CSNK1G3: variants seen among roughly 807,000 people sequenced by gnomAD.
The protein encoded by CSNK1G3 is casein kinase I isoform gamma-3.
In CSNK1G3, 23 loss-of-function variants were observed where a neutral mutation model predicts 64.3. The observed-to-expected ratio is 0.36, with a 90% CI of 0.26 to 0.51. The LOEUF (loss-of-function observed/expected upper bound fraction) is 0.51, where lower values mean the gene tolerates loss of function less well. Ranked by LOEUF, CSNK1G3 falls within the 20% of genes least tolerant of loss-of-function variation. The pLI is 0.96. For synonymous variants in CSNK1G3, 158 were observed against 162.2 expected, an observed-to-expected ratio of 0.97 and a Z score of 0.20; for missense variants, 357 against 510.5, an observed-to-expected ratio of 0.70 and a Z score of 2.90.
exon 13 of CSNK1G3, chr5:123,616,436 TG>T (rs1273806587): frequency 6.6e-6 from 1 of 152,588 alleles, no homozygotes; most frequent in Non-Finnish European, 1.5e-5. Flanking sequence ...TAAGAAGGTG[TG>T]TATATTAATC....
rs1378792529 is a variant in CSNK1G3, at chr5:123,604,834, T to C, written c.1193+4T>C. 3 of 1,585,454 alleles carry C rather than the reference T, an allele frequency of 1.9e-6. No homozygotes were observed. Among genetic ancestry groups the C allele is most frequent in the Non-Finnish European group, 1.7e-6 (2 of 1,159,688 alleles). Reference sequence around the variant, plus strand: ...TAGAAGTGATGGATGAAACCAAGTATGTGTTTGTTTTACTTGTTTTAGTAA... The same window carrying C: ...TAGAAGTGATGGATGAAACCAAGTACGTGTTTGTTTTACTTGTTTTAGTAA... On this transcript the variant is annotated splice_donor_region_variant and intron_variant, in intron 11 of 12. Coordinates refer to ENST00000345990, the Ensembl canonical transcript of CSNK1G3.
chr5:123,604,186 G>A (rs1179538132), intron 10 of CSNK1G3, among the ~76,000 whole-genome samples: 1 of 152,042 alleles, frequency 6.6e-6, no homozygotes, highest in Non-Finnish European at 1.5e-5. Flanking sequence ...TTAGATGTGG[G>A]TTTTAAGTTA....
chr5:123,608,816 T>A (rs1421150999), intron 12 of CSNK1G3, among the ~76,000 whole-genome samples: 4 of 152,164 alleles, frequency 2.6e-5, no homozygotes. Flanking sequence ...TTTAAAAAAC[T>A]TCTAAGGTGA....
chr5:123,524,088 C>CT (rs1778621722), intron 1 of CSNK1G3, among the ~76,000 whole-genome samples: 1 of 152,228 alleles, frequency 6.6e-6, no homozygotes, highest in South Asian at 2.1e-4. Context: ...TCTTACTTCT[C>CT]TGAGGTGGAG....
chr5:123,515,933 T>C (rs900193198), intron 1 of CSNK1G3, among the ~76,000 whole-genome samples: 1 of 152,208 alleles, frequency 6.6e-6, no homozygotes, highest in Non-Finnish European at 1.5e-5. Context: ...GGAAACAGTC[T>C]TCTAGAGTTT....
At chr5:123,581,953 A>G (rs555304544) in intron 6 of CSNK1G3, among the ~76,000 whole-genome samples, 14 of 151,948 alleles carry the variant, frequency 9.2e-5, no homozygotes, top group Admixed American at 3.3e-4. Flanking sequence ...TTGTCTTCTC[A>G]TGTCTGTGCT....
chr5:123,605,418 T>C, intron 12 of CSNK1G3, 56 bp downstream of exon 13: 3 of 1,574,224 alleles, frequency 1.9e-6, no homozygotes, highest in East Asian at 2.2e-5. Context: ...ATTTCAAAGA[T>C]TTAGCATCAT....
rs117109474 is a variant in CSNK1G3 at position 123,521,323 on chromosome 5, G to A, written c.-248+8753G>A. Among the ~76,000 whole-genome samples the A allele has an allele frequency of 7.3e-4, 111 of 152,092 alleles. 1 individual carries two copies. The East Asian group carries it at 0.02, about 27-fold the overall frequency. On this transcript the variant is annotated intron_variant, in intron 1 of 12. Coordinates refer to ENST00000345990, the Ensembl canonical transcript of CSNK1G3. ...ATTTTAAAAAAAGGATCTTTACTGA[G>A]TACTTTTTCTGTCATACGAGTATCA...
At chr5:123,602,936 A>G (rs10038345) in intron 10 of CSNK1G3, among the ~76,000 whole-genome samples, 58,057 of 151,954 alleles carry the variant, frequency 0.38, 12,270 homozygotes, top group East Asian at 0.66. Context: ...AACCTTGTTA[A>G]TTAGATGCTA....
chr5:123,547,656 A>G (rs903473748), intron 2 of CSNK1G3, among the ~76,000 whole-genome samples: 1 of 152,100 alleles, frequency 6.6e-6, no homozygotes, highest in Non-Finnish European at 1.5e-5. Flanking sequence ...TGTCTATTCT[A>G]TCTATCTAAT....
chr5:123,559,787 T>G (rs973858931), intron 4 of CSNK1G3, among the ~76,000 whole-genome samples: 1 of 151,894 alleles, frequency 6.6e-6, no homozygotes, highest in African/African-American at 2.4e-5. Flanking sequence ...ACAAGAGTGC[T>G]TAATTGTTTT....
chr5:123,540,264 A>AT (rs940044644), intron 1 of CSNK1G3, among the ~76,000 whole-genome samples: 3 of 148,176 alleles, frequency 2.0e-5, no homozygotes, highest in African/African-American at 7.5e-5. Context: ...TTTCTGTTTT[A>AT]TTTTTCCGTT....
At chr5:123,593,202 T>TATACACACAC (rs375876147) in intron 10 of CSNK1G3, among the ~76,000 whole-genome samples, 37 of 146,928 alleles carry the variant, frequency 2.5e-4, no homozygotes, top group Admixed American at 4.1e-4. Flanking sequence ...TGTGTATATA[T>TATACACACAC]ACACACACAC....
chr5:123,542,887 T>TGTGTGTGTGTG (rs1554070088), intron 1 of CSNK1G3, among the ~76,000 whole-genome samples: 3 of 150,556 alleles, frequency 2.0e-5, no homozygotes, highest in African/African-American at 7.3e-5. Context: ...TGTGTGTGTG[T>TGTGTGTGTGTG]TTACCAAATT....
At chr5:123,609,692 C>T (rs530904089) in intron 12 of CSNK1G3, among the ~76,000 whole-genome samples, 31 of 152,254 alleles carry the variant, frequency 2.0e-4, no homozygotes, top group East Asian at 5.8e-4. Flanking sequence ...AGAAATCCCA[C>T]GTGGTGTGTT....
At chr5:123,561,264 GAGTC>G (rs1193621007) in intron 4 of CSNK1G3, among the ~76,000 whole-genome samples, 1 of 152,132 alleles carries the variant, frequency 6.6e-6, no homozygotes, top group African/African-American at 2.4e-5. Flanking sequence ...AGTATTCGTT[GAGTC>G]AAATGAAGAC....
chr5:123,575,737 C>T, exon 6 of CSNK1G3: 5 of 1,607,366 alleles, frequency 3.1e-6, no homozygotes, highest in East Asian at 2.2e-5. Flanking sequence ...AGATTTCTCG[C>T]ATGGAATATG....
chr5:123,575,759 A>G (rs200019032), exon 6 of CSNK1G3: 7 of 1,613,276 alleles, frequency 4.3e-6, no homozygotes, highest in Non-Finnish European at 5.9e-6. Context: ...CCATTCAAAG[A>G]ACTTGATATA....
intron 10 of CSNK1G3, among the ~76,000 whole-genome samples, chr5:123,593,437 T>G (rs1792819445): frequency 6.6e-6 from 1 of 152,018 alleles, no homozygotes; most frequent in Non-Finnish European, 1.5e-5. Context: ...ACTTAAACCT[T>G]TGTAATGCCC....
Sources: allele counts gnomAD v4.1 joint callset (sites outside exome capture counted in the v4.1 genomes callset), GRCh38; gene constraint gnomAD v4.1.1; transcripts MANE v1.5; gene names NCBI Gene and HGNC (gene_info 2026-07-23, HGNC 2026-07-21).